DNM3: variants seen among roughly 807,000 people sequenced by gnomAD.
DNM3 encodes the protein dynamin-3.
DNM3 carries 47 observed loss-of-function variants against 101.6 expected under a neutral mutation model. That is an observed-to-expected ratio of 0.46 (90% CI 0.37 to 0.59). The LOEUF is 0.59. Among genes scored for constraint, DNM3 ranks in the 20% least tolerant of loss-of-function variants. DNM3 has a pLI of 0.00. For synonymous variants in DNM3, 385 were observed against 387.9 expected (o/e 0.99, Z 0.09); for missense variants, 849 against 1,085.7 (o/e 0.78, Z 3.06).
chr1:172,052,089 G>A (rs1231588057), intron 10 of DNM3, among the ~76,000 whole-genome samples: 1 of 152,070 alleles, frequency 6.6e-6, no homozygotes, highest in Non-Finnish European at 1.5e-5. Context: ...CTCTTCAAGC[G>A]ACCTGACTCA....
downstream of DNM3, among the ~76,000 whole-genome samples, chr1:172,413,287 C>T (rs2071309227): frequency 1.3e-5 from 2 of 152,240 alleles, no homozygotes; most frequent in South Asian, 4.1e-4. Flanking sequence ...AGTGCAGTGG[C>T]ACTATCTCGG....
At chr1:171,921,243 C>T (rs551347514) in intron 1 of DNM3, among the ~76,000 whole-genome samples, 10 of 151,986 alleles carry the variant, frequency 6.6e-5, no homozygotes, top group Admixed American at 1.3e-4. Flanking sequence ...ACACTGTGCC[C>T]GGCCTTGTTT....
chr1:171,853,330 AT>A (rs1399570482), intron 1 of DNM3, among the ~76,000 whole-genome samples: 1 of 149,170 alleles, frequency 6.7e-6, no homozygotes, highest in African/African-American at 2.4e-5. Flanking sequence ...TGCTCAGCTA[AT>A]TTTTAAATTA....
At chr1:172,011,465 C>G (rs139599690) in intron 4 of DNM3, among the ~76,000 whole-genome samples, 70 of 152,110 alleles carry the variant, frequency 4.6e-4, no homozygotes, top group Middle Eastern at 3.4e-3. Context: ...CTCAATTTAG[C>G]ATGTCCAATG....
At chr1:172,307,318 AC>A (rs1297065248) in intron 15 of DNM3, among the ~76,000 whole-genome samples, 4 of 152,206 alleles carry the variant, frequency 2.6e-5, no homozygotes, top group African/African-American at 9.7e-5. Flanking sequence ...ATCAAAAACC[AC>A]GATGAGATAA....
intron 13 of DNM3, among the ~76,000 whole-genome samples, chr1:172,122,410 A>G (rs2056378624): frequency 6.6e-6 from 1 of 152,176 alleles, no homozygotes; most frequent in African/African-American, 2.4e-5. Context: ...CTATGAAGAA[A>G]TTGAAGCAAA....
chr1:172,009,712 C>CT (rs968820653), intron 4 of DNM3, among the ~76,000 whole-genome samples: 1,521 of 144,840 alleles, frequency 0.011, 29 homozygotes, highest in African/African-American at 0.035. Flanking sequence ...CAATGAACAT[C>CT]TTTTTTTTTT....
chr1:172,356,686 A>C (rs931912428), intron 17 of DNM3, among the ~76,000 whole-genome samples: 1 of 152,034 alleles, frequency 6.6e-6, no homozygotes, highest in Admixed American at 6.6e-5. Flanking sequence ...CTGTACCCCC[A>C]CAACACTGGA....
intron 13 of DNM3, among the ~76,000 whole-genome samples, chr1:172,111,922 A>G (rs1283635619): frequency 1.3e-5 from 2 of 152,060 alleles, no homozygotes; most frequent in African/African-American, 4.8e-5. Context: ...TTTGTTGGTG[A>G]TGATGTCCAT....
At chr1:172,383,283 T>A (rs2069014668) in intron 18 of DNM3, among the ~76,000 whole-genome samples, 1 of 152,190 alleles carries the variant, frequency 6.6e-6, no homozygotes, top group Non-Finnish European at 1.5e-5. Flanking sequence ...ATACGCCTTT[T>A]GTGTCTAACT....
chr1:171,853,046 G>T (rs1166480729), intron 1 of DNM3, among the ~76,000 whole-genome samples: 1 of 152,150 alleles, frequency 6.6e-6, no homozygotes, highest in Non-Finnish European at 1.5e-5. Flanking sequence ...TCTGGGTCTA[G>T]ACCTTCAAAA....
chr1:172,355,695 C>T (rs1483247642), intron 17 of DNM3, among the ~76,000 whole-genome samples: 4 of 151,946 alleles, frequency 2.6e-5, no homozygotes, highest in Admixed American at 1.3e-4. Context: ...CTCCTATACA[C>T]GATTGGATAT....
At chr1:172,257,393 G>A (rs1404951442) in intron 15 of DNM3, among the ~76,000 whole-genome samples, 1 of 152,074 alleles carries the variant, frequency 6.6e-6, no homozygotes, top group Admixed American at 6.6e-5. Flanking sequence ...GCTTGAATAA[G>A]CCTGCCAATT....
intron 4 of DNM3, among the ~76,000 whole-genome samples, chr1:172,023,783 T>A (rs1199465424): frequency 6.6e-6 from 1 of 151,988 alleles, no homozygotes; most frequent in African/African-American, 2.4e-5. Context: ...ATTTTCTCTC[T>A]TTGGAATGTC....
chr1:172,412,744 T>C (rs111920063), downstream of DNM3: 1 of 985,478 alleles, frequency 1.0e-6, no homozygotes, highest in African/African-American at 1.7e-5. Flanking sequence ...TTGTATATAT[T>C]TGAGTCATGT....
chr1:172,111,135 A>C lies in DNM3; in HGVS notation c.1545+18260A>C, dbSNP rs540927277. 2.0e-5 allele frequency among the ~76,000 whole-genome samples: 3 copies of C among 152,382 alleles called. No individual in the cohort carries two copies. In the Middle Eastern group the frequency reaches 0.01, roughly 518 times the overall value. ...AGAAACTGATTTAAGCTTGATTAACAATTAGAGCAAACCACTGAATTATGA... is the reference window on the plus strand; with the variant it reads ...AGAAACTGATTTAAGCTTGATTAACCATTAGAGCAAACCACTGAATTATGA... On this transcript the variant is annotated intron_variant, in intron 13 of 20. Coordinates refer to ENST00000627582, the MANE Select transcript of DNM3 (RefSeq NM_015569.5).
At chr1:172,205,031 T>TAA (rs1339580738) in intron 14 of DNM3, among the ~76,000 whole-genome samples, 1 of 152,192 alleles carries the variant, frequency 6.6e-6, no homozygotes, top group Non-Finnish European at 1.5e-5. Context: ...TCACATTTAG[T>TAA]AAAGACATTG....
intron 15 of DNM3, among the ~76,000 whole-genome samples, chr1:172,306,433 T>C (rs1573391055): frequency 6.6e-6 from 1 of 152,072 alleles, no homozygotes; most frequent in Non-Finnish European, 1.5e-5. Context: ...GAATCAATAT[T>C]TTGAAAATGG....
intron 14 of DNM3, chr1:172,140,717 A>G (rs1297766951): frequency 1.3e-5 from 2 of 150,180 alleles, no homozygotes; most frequent in African/African-American, 4.9e-5. Context: ...TTTTCAGGGG[A>G]AAAAAAAAAT....
Sources: allele counts gnomAD v4.1 joint callset (sites outside exome capture counted in the v4.1 genomes callset), GRCh38; gene constraint gnomAD v4.1.1; transcripts MANE v1.5; gene names NCBI Gene and HGNC (gene_info 2026-07-23, HGNC 2026-07-21).